Variants in FGD4 observed in about 807,000 individuals in gnomAD.
FGD4 encodes the protein FYVE, RhoGEF and PH domain-containing protein 4.
Under a neutral mutation model 102.0 loss-of-function variants are expected in FGD4, and 42 were observed. That is an observed-to-expected ratio of 0.41 (90% CI 0.32 to 0.53). The LOEUF is 0.53. Ranked by LOEUF, FGD4 falls within the 20% of genes least tolerant of loss-of-function variation. The pLI, the probability that FGD4 is intolerant of heterozygous loss-of-function variation, is 0.21. For missense variants in FGD4, 902 were observed against 1,078.2 expected, an observed-to-expected ratio of 0.84 and a Z score of 2.29; for synonymous variants, 380 against 375.7, an observed-to-expected ratio of 1.01 and a Z score of -0.13.
At position 32,555,190 on chromosome 12, in the gene FGD4, AG is replaced by A. The variant is rs1049443525; in HGVS notation, c.167-8945del. 3.5e-4 allele frequency among the ~76,000 whole-genome samples: 53 copies of A among 152,364 alleles called. 1 individual carries two copies. Among genetic ancestry groups the A allele is most frequent in the Admixed American group, 3.1e-3 (48 of 15,310 alleles). Reference sequence around the variant, plus strand: ...GAAATATTTTGAAAGTAGAGCCACCAGGATTTCCTGGTGAATAGGATGTAGA... The same window carrying A: ...GAAATATTTTGAAAGTAGAGCCACCAGATTTCCTGGTGAATAGGATGTAGA... On this transcript the variant is annotated intron_variant, in intron 1 of 16. Transcript: ENST00000534526.
At position 32,587,048 on chromosome 12, in the gene FGD4, G is replaced by A. The variant is rs143925783; in HGVS notation, c.1011+4581G>A. 6.7e-3 allele frequency among the ~76,000 whole-genome samples: 1,025 copies of A among 151,956 alleles called. 8 individuals are homozygous for A. The highest frequency in any genetic ancestry group is 0.023 in the African/African-American group (970 of 41,450). The stretch of plus-strand genomic sequence containing the variant: ...TCTACTAAAAATACAAAAATTAGCT[G>A]GGCGCAGTAGCAAGCACCTGTAGTC... On this transcript the variant is annotated intron_variant, in intron 4 of 16. Transcript: ENST00000534526.
intron 10 of FGD4, among the ~76,000 whole-genome samples, chr12:32,614,713 A>G (rs12299609): frequency 0.15 from 22,162 of 152,194 alleles, 1,809 homozygotes; most frequent in Middle Eastern, 0.26. Context: ...TAAAGAATCT[A>G]TAAAGGACAC....
intron 1 of FGD4, among the ~76,000 whole-genome samples, chr12:32,419,643 A>G (rs940695071): frequency 6.6e-6 from 1 of 152,152 alleles, no homozygotes; most frequent in African/African-American, 2.4e-5. Flanking sequence ...GGGCTTGCCT[A>G]GGAATTGCAG....
chr12:32,545,541 T>A (rs1943164151), intron 1 of FGD4, among the ~76,000 whole-genome samples: 2 of 152,362 alleles, frequency 1.3e-5, no homozygotes, highest in South Asian at 4.1e-4. Context: ...AAAAGCATCA[T>A]ACACATTATG....
At chr12:32,440,284 T>G (rs891282125) in intron 1 of FGD4, among the ~76,000 whole-genome samples, 1 of 152,242 alleles carries the variant, frequency 6.6e-6, no homozygotes. Flanking sequence ...TTTGTGCCCA[T>G]CCTTCTTGGG....
At chr12:32,579,374 A>G (rs540757816) in intron 3 of FGD4, among the ~76,000 whole-genome samples, 35 of 152,244 alleles carry the variant, frequency 2.3e-4, no homozygotes, top group Non-Finnish European at 4.7e-4. Context: ...GGACACTCCA[A>G]GGTCAACTGT....
chr12:32,464,853 T>C (rs1943209840), intron 1 of FGD4, among the ~76,000 whole-genome samples: 1 of 152,232 alleles, frequency 6.6e-6, no homozygotes. Context: ...GACATTAAAC[T>C]AAGAGTTACT....
At chr12:32,560,756 G>C (rs1944472497) in intron 1 of FGD4, among the ~76,000 whole-genome samples, 1 of 151,792 alleles carries the variant, frequency 6.6e-6, no homozygotes, top group African/African-American at 2.4e-5. Context: ...GCAGTGGTGT[G>C]ATTATAGCTC....
intron 1 of FGD4, among the ~76,000 whole-genome samples, chr12:32,496,001 T>G (rs575052614): frequency 6.6e-6 from 1 of 152,168 alleles, no homozygotes; most frequent in Non-Finnish European, 1.5e-5. Context: ...GGGTTTGGGC[T>G]TGGGGTAGAA....
intron 1 of FGD4, among the ~76,000 whole-genome samples, chr12:32,456,079 T>C (rs1337123393): frequency 6.6e-6 from 1 of 152,186 alleles, no homozygotes; most frequent in African/African-American, 2.4e-5. Flanking sequence ...CAGCTGAAGA[T>C]ATCTTTTTCT....
intron 1 of FGD4, chr12:32,502,029 G>A: frequency 1.0e-6 from 1 of 985,456 alleles, no homozygotes; most frequent in South Asian, 4.7e-5. Context: ...CCTTCCTTTA[G>A]GATTTGCAAG....
chr12:32,570,268 G>A (rs1945551123), intron 2 of FGD4, among the ~76,000 whole-genome samples: 1 of 135,826 alleles, frequency 7.4e-6, no homozygotes, highest in Non-Finnish European at 1.6e-5. Flanking sequence ...AAAAAGAAAT[G>A]CTAAAATTCT....
At chr12:32,438,379 A>T (rs1942304689) in intron 1 of FGD4, among the ~76,000 whole-genome samples, 1 of 152,204 alleles carries the variant, frequency 6.6e-6, no homozygotes, top group Admixed American at 6.5e-5. Flanking sequence ...CCGTTAAGAT[A>T]AAGTTGAAAA....
In FGD4 at chr12:32,645,377, T is replaced by TAATA. The variant is rs1951356120; in HGVS notation, c.*4844_*4845insAATA. 6.6e-6 allele frequency: 1 copy of TAATA among 152,106 alleles called. No individual in the cohort carries two copies. The highest frequency in any genetic ancestry group is 1.5e-5 in the Non-Finnish European group (1 of 68,026). 9.4% of individuals were successfully genotyped at this position (152,106 alleles called of 1,614,324 possible). ...ATAAGCATAGGCCGGGCATAGTGGC[T>TAATA]CATGCCTGTAATCCCAGCCCTTGGG... On this transcript the variant is annotated 3_prime_UTR_variant, in exon 17 of 17. Coordinates refer to ENST00000534526, the MANE Select transcript of FGD4 (RefSeq NM_001370298.3).
chr12:32,610,233 T>C (rs1203287812), intron 8 of FGD4, among the ~76,000 whole-genome samples: 1 of 152,236 alleles, frequency 6.6e-6, no homozygotes, highest in African/African-American at 2.4e-5. Context: ...CCCCATTTCA[T>C]TCATCTGCCA....
At chr12:32,631,880 A>G (rs1294783675) in intron 14 of FGD4, among the ~76,000 whole-genome samples, 1 of 152,190 alleles carries the variant, frequency 6.6e-6, no homozygotes, top group Non-Finnish European at 1.5e-5. Flanking sequence ...TGATATTGGC[A>G]TACTTGCCTT....
intron 11 of FGD4, 79 bp downstream of exon 11, chr12:32,619,949 G>A: frequency 6.5e-7 from 1 of 1,536,332 alleles, no homozygotes; most frequent in Non-Finnish European, 9.0e-7. Flanking sequence ...GGCTCTGAGG[G>A]TTTTTCTCAA....
intron 1 of FGD4, among the ~76,000 whole-genome samples, chr12:32,459,955 C>G (rs1427786159): frequency 6.6e-6 from 1 of 152,084 alleles, no homozygotes; most frequent in African/African-American, 2.4e-5. Context: ...ATCCCCCCAC[C>G]TCAGCCTCCC....
intron 4 of FGD4, among the ~76,000 whole-genome samples, chr12:32,597,142 G>A (rs1344583724): frequency 1.3e-5 from 2 of 152,106 alleles, no homozygotes; most frequent in Non-Finnish European, 1.5e-5. Context: ...ATTCATTCTT[G>A]ACAATGCTTT....
Sources: gnomAD v4.1 joint callset for allele counts (sites outside exome capture counted in the v4.1 genomes callset) on GRCh38, gnomAD v4.1.1 for gene constraint, MANE v1.5 for transcripts, NCBI Gene and HGNC (gene_info 2026-07-23, HGNC 2026-07-21) for gene names.